The following RABGAP1L variants were observed in gnomAD, a reference collection of about 807,000 sequenced individuals.
The protein encoded by RABGAP1L is rab GTPase-activating protein 1-like.
A neutral mutation model predicts 137.7 loss-of-function variants in RABGAP1L; 63 were observed. The observed-to-expected ratio is 0.46, with a 90% CI of 0.37 to 0.56. RABGAP1L has a LOEUF of 0.56. RABGAP1L is among the 20% of genes least tolerant of loss of function. RABGAP1L has a pLI of 0.00. For synonymous variants in RABGAP1L, 431 were observed against 433.7 expected, an observed-to-expected ratio of 0.99 and a Z score of 0.08; for missense variants, 1,095 against 1,244.0, an observed-to-expected ratio of 0.88 and a Z score of 1.80.
At chr1:174,160,667 A>T (rs1557989138) in intron 1 of RABGAP1L, among the ~76,000 whole-genome samples, 1 of 152,182 alleles carries the variant, frequency 6.6e-6, no homozygotes, top group Non-Finnish European at 1.5e-5. Context: ...TATTTTTGGC[A>T]CTGGAGGGGT....
chr1:174,383,539 A>T (rs1282768082), intron 12 of RABGAP1L, among the ~76,000 whole-genome samples: 1 of 152,086 alleles, frequency 6.6e-6, no homozygotes, highest in Non-Finnish European at 1.5e-5. Context: ...TTCGGGTGGG[A>T]GTGACCCGAT....
intron 17 of RABGAP1L, among the ~76,000 whole-genome samples, chr1:174,739,495 C>T (rs1055784867): frequency 1.3e-5 from 2 of 152,180 alleles, no homozygotes; most frequent in Admixed American, 1.3e-4. Context: ...ATGCTCAGTT[C>T]TCAGTCTGGT....
intron 13 of RABGAP1L, among the ~76,000 whole-genome samples, chr1:174,635,315 A>C (rs1025975481): frequency 1.3e-5 from 2 of 152,152 alleles, no homozygotes; most frequent in Admixed American, 6.6e-5. Context: ...ATATTTCAGC[A>C]ATGGCAGTAG....
Position 174,205,407 on chromosome 1 carries a change from A to G in RABGAP1L, c.-33-13718A>G, listed in dbSNP as rs958167020. Among the ~76,000 whole-genome samples, 8 of 151,928 alleles carry G rather than the reference A, an allele frequency of 5.3e-5. No individual in the cohort carries two copies. In the East Asian group the frequency reaches 5.8e-4, roughly 11 times the overall value. On this transcript the variant is annotated intron_variant, in intron 1 of 25. Coordinates refer to ENST00000681986, the MANE Select transcript of RABGAP1L (RefSeq NM_001366446.1). Reference sequence around the variant, plus strand: ...TCTGGTAGAATTCAGCTGTGAATCCATCAGGTCCTGGGATTTTTTTGGTTG... The same window carrying G: ...TCTGGTAGAATTCAGCTGTGAATCCGTCAGGTCCTGGGATTTTTTTGGTTG...
intron 13 of RABGAP1L, among the ~76,000 whole-genome samples, chr1:174,528,052 C>A (rs1464489253): frequency 1.3e-5 from 2 of 151,928 alleles, no homozygotes; most frequent in Non-Finnish European, 2.9e-5. Context: ...AGGTAAAGTA[C>A]ATTTCTTGTA....
intron 13 of RABGAP1L, among the ~76,000 whole-genome samples, chr1:174,590,123 C>CTTTTTTTTTTT (rs1166364912): frequency 3.7e-4 from 22 of 59,802 alleles, no homozygotes; most frequent in Admixed American, 9.7e-4. Context: ...TCTTCAGTTT[C>CTTTTTTTTTTT]TTTTTTTTTT....
At chr1:174,569,400 G>A (rs1283817235) in intron 13 of RABGAP1L, among the ~76,000 whole-genome samples, 1 of 152,186 alleles carries the variant, frequency 6.6e-6, no homozygotes, top group Non-Finnish European at 1.5e-5. Flanking sequence ...GGGCTGCACG[G>A]TAGAATGGTA....
intron 15 of RABGAP1L, among the ~76,000 whole-genome samples, chr1:174,694,714 G>A (rs1260760643): frequency 2.4e-4 from 37 of 151,378 alleles, no homozygotes; most frequent in African/African-American, 8.2e-4. Flanking sequence ...GGTATATACC[G>A]AGTAATGGGA....
intron 14 of RABGAP1L, among the ~76,000 whole-genome samples, chr1:174,664,734 C>CTTTTTTTTTTTTTT (rs71701825): frequency 4.1e-5 from 4 of 97,576 alleles, no homozygotes; most frequent in African/African-American, 1.5e-4. Context: ...TTTCTGCTTT[C>CTTTTTTTTTTTTTT]TTTTTTTTTT....
chr1:174,848,771 C>G (rs528901108), intron 19 of RABGAP1L, among the ~76,000 whole-genome samples: 3,285 of 148,368 alleles, frequency 0.022, 50 homozygotes, highest in Middle Eastern at 0.092. Context: ...TCGAGCTTCC[C>G]GGCTGCTTTG....
intron 7 of RABGAP1L, among the ~76,000 whole-genome samples, chr1:174,267,459 A>C (rs1368567411): frequency 6.6e-6 from 1 of 152,190 alleles, no homozygotes; most frequent in Non-Finnish European, 1.5e-5. Context: ...TGAACTTATC[A>C]GTGTAAATAA....
chr1:174,885,449 C>G (rs927905703), intron 19 of RABGAP1L, among the ~76,000 whole-genome samples: 1 of 152,076 alleles, frequency 6.6e-6, no homozygotes, highest in African/African-American at 2.4e-5. Flanking sequence ...CCTCAACCTC[C>G]TAGGATCAGG....
At chr1:174,243,979 C>T (rs1224089667) in intron 5 of RABGAP1L, among the ~76,000 whole-genome samples, 1 of 152,160 alleles carries the variant, frequency 6.6e-6, no homozygotes, top group African/African-American at 2.4e-5. Flanking sequence ...GGTAACATAG[C>T]TTGCATTCCA....
chr1:174,282,728 A>G (rs1009886229), intron 10 of RABGAP1L, among the ~76,000 whole-genome samples: 2 of 152,138 alleles, frequency 1.3e-5, no homozygotes, highest in African/African-American at 4.8e-5. Context: ...GTTTTCCTGT[A>G]AAGACTTTAT....
At chr1:174,791,404 T>C (rs1485653908) in intron 18 of RABGAP1L, among the ~76,000 whole-genome samples, 2 of 152,184 alleles carry the variant, frequency 1.3e-5, no homozygotes, top group South Asian at 2.1e-4. Context: ...GAATTGGAGA[T>C]GGACCATAGG....
At chr1:174,581,685 T>G (rs1668759517) in intron 13 of RABGAP1L, among the ~76,000 whole-genome samples, 1 of 152,128 alleles carries the variant, frequency 6.6e-6, no homozygotes, top group African/African-American at 2.4e-5. Flanking sequence ...AACGGGTAAA[T>G]TTTTTCGTAT....
chr1:174,652,313 C>T (rs1363127925), intron 14 of RABGAP1L, among the ~76,000 whole-genome samples: 1 of 152,046 alleles, frequency 6.6e-6, no homozygotes, highest in Non-Finnish European at 1.5e-5. Flanking sequence ...AATTATGTGT[C>T]TTGGAGCTCC....
intron 11 of RABGAP1L, among the ~76,000 whole-genome samples, chr1:174,320,120 C>T (rs900987555): frequency 1.3e-5 from 2 of 151,980 alleles, no homozygotes; most frequent in African/African-American, 4.8e-5. Context: ...ACAGAATGAA[C>T]GTATTTTGAG....
chr1:174,685,428 A>G (rs986003651), intron 15 of RABGAP1L, among the ~76,000 whole-genome samples: 1 of 151,588 alleles, frequency 6.6e-6, no homozygotes, highest in African/African-American at 2.4e-5. Flanking sequence ...AACTTTTTGT[A>G]TATTTTAGTA....
Sources: gnomAD v4.1 joint callset for allele counts (sites outside exome capture counted in the v4.1 genomes callset) on GRCh38, gnomAD v4.1.1 for gene constraint, MANE v1.5 for transcripts, NCBI Gene and HGNC (gene_info 2026-07-23, HGNC 2026-07-21) for gene names.